LINC00237: variants seen among roughly 807,000 people sequenced by gnomAD.
LINC00237 encodes the protein long intergenic non-protein coding RNA 237.
chr20:21,096,407 C>T (rs1467219251), intron 1 of LINC00237, among the ~76,000 whole-genome samples: 7 of 152,154 alleles, frequency 4.6e-5, no homozygotes, highest in African/African-American at 7.2e-5. Context: ...ATGACAATTA[C>T]GCACATCACT....
At chr20:21,100,724 T>TC (rs966784781) in intron 1 of LINC00237, among the ~76,000 whole-genome samples, 1 of 152,232 alleles carries the variant, frequency 6.6e-6, no homozygotes, top group African/African-American at 2.4e-5. Context: ...ACCCACTTTT[T>TC]CCCCTGAATT....
chr20:21,098,367 A>G (rs973292908), intron 1 of LINC00237, among the ~76,000 whole-genome samples: 7 of 152,194 alleles, frequency 4.6e-5, no homozygotes, highest in African/African-American at 1.7e-4. Context: ...CTCTATGGGG[A>G]AAAAAACTAA....
At chr20:21,089,591 G>A (rs554894629) in intron 2 of LINC00237, 1 of 152,252 alleles carries the variant, frequency 6.6e-6, no homozygotes, top group Non-Finnish European at 1.5e-5. Context: ...GGGCTGGAGG[G>A]ATGTCTAGTA....
chr20:21,106,068 A>T (rs2030995704), intron 1 of LINC00237, among the ~76,000 whole-genome samples: 1 of 152,170 alleles, frequency 6.6e-6, no homozygotes, highest in Non-Finnish European at 1.5e-5. Context: ...CAGAGAAAAG[A>T]GGAATTTTTA....
At chr20:21,086,715 A>AG (rs374812289) in intron 3 of LINC00237, among the ~76,000 whole-genome samples, 38 of 14,546 alleles carry the variant, frequency 2.6e-3, no homozygotes, top group African/African-American at 4.8e-3. Flanking sequence ...ATATATACAT[A>AG]TATACTATAT....
intron 1 of LINC00237, among the ~76,000 whole-genome samples, chr20:21,102,508 C>G (rs1386764184): frequency 1.3e-5 from 2 of 152,166 alleles, no homozygotes; most frequent in Non-Finnish European, 2.9e-5. Flanking sequence ...ATGCCCGGAA[C>G]AGGGGTGCAG....
intron 1 of LINC00237, among the ~76,000 whole-genome samples, chr20:21,099,215 G>C (rs1279540590): frequency 6.6e-6 from 1 of 152,230 alleles, no homozygotes; most frequent in African/African-American, 2.4e-5. Context: ...AGATAGGAAG[G>C]ACAGTGGTCA....
intron 1 of LINC00237, among the ~76,000 whole-genome samples, chr20:21,103,035 C>G (rs1301193412): frequency 6.6e-6 from 1 of 152,224 alleles, no homozygotes; most frequent in Non-Finnish European, 1.5e-5. Context: ...GACCGGCAGG[C>G]CTGGAGGGCG....
intron 1 of LINC00237, among the ~76,000 whole-genome samples, chr20:21,102,440 A>G (rs1435791604): frequency 6.6e-6 from 1 of 152,100 alleles, no homozygotes; most frequent in Non-Finnish European, 1.5e-5. Context: ...CCTGTCCCCA[A>G]AGTCTCAGAC....
intron 1 of LINC00237, among the ~76,000 whole-genome samples, chr20:21,094,776 A>T (rs544658838): frequency 6.6e-5 from 10 of 152,342 alleles, no homozygotes; most frequent in African/African-American, 2.2e-4. Context: ...TAGTCTGGGC[A>T]CAATGGCTTA....
Position 21,092,874 on chromosome 20 carries a change from A to G in LINC00237, n.472+595T>C, listed in dbSNP as rs996386206. 6 of 152,366 alleles carry G rather than the reference A, an allele frequency of 3.9e-5. No individual in the cohort carries two copies. The East Asian group carries it at 9.6e-4, about 24-fold the overall frequency. 9.4% of individuals were successfully genotyped at this position (152,366 alleles called of 1,614,324 possible). A position where few individuals can be genotyped will look rare whatever the true frequency, so the allele number is the denominator to read the frequency against. ...GAAACTTTCTAGAAAGTTAGCATAC[A>G]TTAACTTATGTATTACTCACAACAA... On this transcript the variant is annotated intron_variant and non_coding_transcript_variant, in intron 2 of 3. Transcript: ENST00000691244.
rs1568886968 is a variant in LINC00237 at position 21,101,661 on chromosome 20, T to C, written n.88+4610A>G. 6.6e-6 allele frequency: 1 copy of C among 152,362 alleles called. No individual in the cohort carries two copies. Among genetic ancestry groups the C allele is most frequent in the Admixed American group, 6.5e-5 (1 of 15,292 alleles). 9.4% of individuals were successfully genotyped at this position (152,362 alleles called of 1,614,324 possible). The stretch of plus-strand genomic sequence containing the variant: ...TTCCTTTTGCTCAGGCAGCTAACTT[T>C]GGAGCCGGGCAAGACGTGTTTTCCC... On this transcript the variant is annotated intron_variant and non_coding_transcript_variant, in intron 1 of 3. Coordinates refer to ENST00000691244, the Ensembl canonical transcript of LINC00237. This position sits in a 1 kb window ranked among gnomAD's most constrained non-coding sequence, Gnocchi z 4.3.
chr20:21,101,890 G>A lies in LINC00237; in HGVS notation n.88+4381C>T, dbSNP rs566740251. Among the ~76,000 whole-genome samples the A allele has an allele frequency of 1.1e-4, 17 of 152,298 alleles. No individual in the cohort carries two copies. Among genetic ancestry groups the A allele is most frequent in the African/African-American group, 4.1e-4 (17 of 41,578 alleles). On this transcript the variant is annotated intron_variant and non_coding_transcript_variant, in intron 1 of 3. Transcript: ENST00000691244. This position sits in a 1 kb window ranked among gnomAD's most constrained non-coding sequence, Gnocchi z 4.3. ...ACGCGGGGGTGGTTGGGGGCGGAGTGCGGCGAGGGGTGAGGGCGCGACCGC... is the reference window on the plus strand; with the variant it reads ...ACGCGGGGGTGGTTGGGGGCGGAGTACGGCGAGGGGTGAGGGCGCGACCGC...
At position 21,089,889 on chromosome 20, in the gene LINC00237, G is replaced by A. The variant is rs181729162; in HGVS notation, n.473-1859C>T. 21 of 152,306 alleles carry A rather than the reference G, an allele frequency of 1.4e-4. No homozygotes were observed. The East Asian group carries it at 3.7e-3, about 27-fold the overall frequency. The allele number at this position is 152,306 out of a possible 1,614,324, so 9.4% of individuals were successfully genotyped here. A position where few individuals can be genotyped will look rare whatever the true frequency, so the allele number is the denominator to read the frequency against. On this transcript the variant is annotated intron_variant and non_coding_transcript_variant, in intron 2 of 3. Transcript: ENST00000691244. ...GATTCACTGTCCAAATATGGGTTCC[G>A]CATATAAGGTAGGAAATATTTATGC...
intron 3 of LINC00237, among the ~76,000 whole-genome samples, chr20:21,085,922 G>A (rs1175176762): frequency 6.6e-6 from 1 of 152,214 alleles, no homozygotes; most frequent in Non-Finnish European, 1.5e-5. Flanking sequence ...ATTATTCACA[G>A]GAATCATAAG....
chr20:21,088,884 G>A lies in LINC00237; in HGVS notation n.473-854C>T, dbSNP rs149874208. On this transcript the variant is annotated intron_variant and non_coding_transcript_variant, in intron 2 of 3. Transcript: ENST00000691244. ...AAAAAATCAACATGTTCGGTGCTCT[G>A]AACCTGGAAGGAATCACTATACGAA... 3.3e-3 allele frequency among the ~76,000 whole-genome samples: 500 copies of A among 152,110 alleles called. 4 individuals carry two copies. Among genetic ancestry groups the A allele is most frequent in the Middle Eastern group, 0.017 (5 of 294 alleles).
chr20:21,098,729 A>C (rs1230952753), intron 1 of LINC00237, among the ~76,000 whole-genome samples: 1 of 152,272 alleles, frequency 6.6e-6, no homozygotes, highest in African/African-American at 2.4e-5. Flanking sequence ...TGAGGTGTAT[A>C]CATCAAACAT....
chr20:21,086,619 T>C (rs1171216625), intron 3 of LINC00237, among the ~76,000 whole-genome samples: 1 of 121,532 alleles, frequency 8.2e-6, no homozygotes, highest in Admixed American at 8.6e-5. Flanking sequence ...ATATATAGTA[T>C]ACTATATATA....
intron 1 of LINC00237, among the ~76,000 whole-genome samples, chr20:21,099,969 G>T (rs1480605636): frequency 6.6e-6 from 1 of 152,156 alleles, no homozygotes; most frequent in Non-Finnish European, 1.5e-5. Context: ...AATAATTGGA[G>T]ATGTGCATGG....
Sources: gnomAD v4.1 joint callset for allele counts (sites outside exome capture counted in the v4.1 genomes callset) on GRCh38, gnomAD v4.1.1 for gene constraint, Gnocchi (gnomAD v3.1) non-coding constraint, MANE v1.5 for transcripts, NCBI Gene and HGNC (gene_info 2026-07-23, HGNC 2026-07-21) for gene names.